The following ZNF536 variants were observed in gnomAD, a reference collection of about 807,000 sequenced individuals.
ZNF536 encodes zinc finger protein 536.
ZNF536 carries 13 observed loss-of-function variants against 84.5 expected under a neutral mutation model. That is an observed-to-expected ratio of 0.15 (90% CI 0.10 to 0.24). The LOEUF is 0.24. Among genes scored for constraint, ZNF536 ranks in the 10% least tolerant of loss-of-function variants. The pLI is 1.00. For synonymous variants in ZNF536, 811 were observed against 742.5 expected (o/e 1.09, Z -1.50); for missense variants, 1,536 against 1,747.5 (o/e 0.88, Z 2.16).
chr19:30,387,687 C>G (rs2049400697), intron 1 of ZNF536, among the ~76,000 whole-genome samples: 1 of 152,222 alleles, frequency 6.6e-6, no homozygotes, highest in Non-Finnish European at 1.5e-5. Context: ...TGCAGAGAGG[C>G]TGCAGACACT....
At chr19:30,439,936 CTTTCT>C (rs1248769259) in intron 1 of ZNF536, among the ~76,000 whole-genome samples, 1 of 142,290 alleles carries the variant, frequency 7.0e-6, no homozygotes, top group Non-Finnish European at 1.5e-5. Flanking sequence ...TTGTTTCTTT[CTTTCT>C]TTTCTTTTTC....
intron 2 of ZNF536, among the ~76,000 whole-genome samples, chr19:30,321,564 A>G (rs2046856717): frequency 6.6e-6 from 1 of 152,152 alleles, no homozygotes; most frequent in Non-Finnish European, 1.5e-5. Flanking sequence ...TCTTAAAAAA[A>G]TAAATAAATA....
chr19:30,276,126 G>T (rs1387148467), intron 1 of ZNF536, among the ~76,000 whole-genome samples: 1 of 152,148 alleles, frequency 6.6e-6, no homozygotes, highest in African/African-American at 2.4e-5. Context: ...GCCGACTGGA[G>T]CTCTTGGTGG....
chr19:30,506,625 G>T (rs1234864488), intron 2 of ZNF536, among the ~76,000 whole-genome samples: 3 of 152,214 alleles, frequency 2.0e-5, no homozygotes, highest in Non-Finnish European at 4.4e-5. Context: ...AAGCGGGCAG[G>T]TTGTGGGGGT....
intron 1 of ZNF536, among the ~76,000 whole-genome samples, chr19:30,240,966 C>T (rs2023900414): frequency 6.6e-6 from 1 of 152,094 alleles, no homozygotes; most frequent in African/African-American, 2.4e-5. Context: ...GTGAACAAAC[C>T]GATTCATATC....
chr19:30,315,457 C>G (rs1439876617), intron 2 of ZNF536, among the ~76,000 whole-genome samples: 1 of 152,052 alleles, frequency 6.6e-6, no homozygotes, highest in African/African-American at 2.4e-5. Context: ...CATGAGCCAC[C>G]CCCCTCTGGG....
intron 1 of ZNF536, among the ~76,000 whole-genome samples, chr19:30,374,068 T>C (rs114027201): frequency 0.078 from 11,921 of 152,278 alleles, 1,569 homozygotes; most frequent in African/African-American, 0.27. Context: ...TATTTTTTAA[T>C]GGTGATATAG....
chr19:30,573,200 C>T (rs2046613807), intron 1 of ZNF536, among the ~76,000 whole-genome samples: 5 of 152,152 alleles, frequency 3.3e-5, no homozygotes, highest in South Asian at 2.1e-4. Flanking sequence ...CCAAGCTTCT[C>T]GAGGGCCCTG....
chr19:30,466,615 A>T lies in ZNF536; in HGVS notation c.2170+20883A>T, dbSNP rs1027011569. Among the ~76,000 whole-genome samples the T allele has an allele frequency of 8.6e-5, 13 of 151,578 alleles. 1 individual carries two copies. Among genetic ancestry groups the T allele is most frequent in the Admixed American group, 8.5e-4 (13 of 15,214 alleles). ...GAGAGAGAGAGAGAAAGAAAAGAGA[A>T]CTTACCATTTTAACTGTTTTTTTTT... is the stretch of plus-strand genomic sequence containing the variant. On this transcript the variant is annotated intron_variant, in intron 2 of 4. Transcript: ENST00000355537.
intron 2 of ZNF536, among the ~76,000 whole-genome samples, chr19:30,302,436 A>G (rs1393125957): frequency 6.6e-6 from 1 of 152,198 alleles, no homozygotes; most frequent in East Asian, 1.9e-4. Flanking sequence ...GGCTTTGCAC[A>G]GTGACCTGGG....
At chr19:30,284,894 C>T (rs2045576445) in intron 2 of ZNF536, among the ~76,000 whole-genome samples, 1 of 152,126 alleles carries the variant, frequency 6.6e-6, no homozygotes, top group South Asian at 2.1e-4. Flanking sequence ...GTGACTTTAT[C>T]TTGCTGGAAA....
chr19:30,613,069 C>T (rs1765731677), intron 1 of ZNF536, among the ~76,000 whole-genome samples: 1 of 152,188 alleles, frequency 6.6e-6, no homozygotes, highest in Admixed American at 6.5e-5. Flanking sequence ...TAGATTGAAG[C>T]TATCAATTGT....
chr19:30,279,602 C>G lies in ZNF536; in HGVS notation c.-189-4470C>G, dbSNP rs558020273. Among the ~76,000 whole-genome samples, 21 of 152,312 alleles carry G rather than the reference C, an allele frequency of 1.4e-4. No individual in the cohort carries two copies. In the East Asian group the frequency reaches 4.1e-3, roughly 29 times the overall value. ...GCTAGTGGAACTTGAGAATATCAAG[C>G]TCTGGGCTGGGAGGAGGTCTCAGAA... On this transcript the variant is annotated intron_variant, in intron 1 of 5. Transcript: ENST00000585628.
intron 1 of ZNF536, among the ~76,000 whole-genome samples, chr19:30,278,752 C>G (rs1162489296): frequency 1.3e-5 from 2 of 152,154 alleles, no homozygotes; most frequent in Non-Finnish European, 2.9e-5. Flanking sequence ...CCACTGCTCT[C>G]TCTCCAGCTC....
At position 30,635,067 on chromosome 19, in the gene ZNF536, G is replaced by GGTGTGTGT. The variant is rs10693532; in HGVS notation, c.170-75673_170-75666dup. 5.4e-4 allele frequency among the ~76,000 whole-genome samples: 81 copies of GGTGTGTGT among 150,278 alleles called. 1 individual carries two copies. In the South Asian group the frequency reaches 6.5e-3, roughly 12 times the overall value. Reference sequence around the variant, plus strand: ...AACAGGCTGGGAGAGAAGAAAGCTGGGTGTGTGTGTGTGTGTGTGTGTGTA... The same window carrying GGTGTGTGT: ...AACAGGCTGGGAGAGAAGAAAGCTGGGTGTGTGTGTGTGTGTGTGTGTGTGTGTGTGTA... On this transcript the variant is annotated intron_variant, in intron 1 of 1. Transcript: ENST00000592773.
chr19:30,666,433 C>A (rs1372206765), intron 1 of ZNF536, among the ~76,000 whole-genome samples: 2 of 152,132 alleles, frequency 1.3e-5, no homozygotes, highest in Non-Finnish European at 2.9e-5. Flanking sequence ...CTTTTCTCCC[C>A]TCTCCTCCCA....
intron 3 of ZNF536, among the ~76,000 whole-genome samples, chr19:30,539,860 G>A (rs1319268372): frequency 2.6e-5 from 4 of 152,170 alleles, no homozygotes; most frequent in African/African-American, 9.7e-5. Context: ...CCCTACCGAG[G>A]CTCTCCCATG....
chr19:30,247,013 A>G (rs1231034244), intron 1 of ZNF536, among the ~76,000 whole-genome samples: 1 of 152,158 alleles, frequency 6.6e-6, no homozygotes, highest in Non-Finnish European at 1.5e-5. Flanking sequence ...CCAATTAAGG[A>G]AGGGAGTCCC....
chr19:30,262,850 T>G (rs1180536317), intron 1 of ZNF536, among the ~76,000 whole-genome samples: 1 of 152,200 alleles, frequency 6.6e-6, no homozygotes, highest in Non-Finnish European at 1.5e-5. Flanking sequence ...TGGGACTTTC[T>G]GAGGACGCCT....
Sources: gnomAD v4.1 joint callset for allele counts (sites outside exome capture counted in the v4.1 genomes callset) on GRCh38, gnomAD v4.1.1 for gene constraint, MANE v1.5 for transcripts, NCBI Gene and HGNC (gene_info 2026-07-23, HGNC 2026-07-21) for gene names.